The following TTC7A variants were observed in gnomAD, a reference collection of about 807,000 sequenced individuals.
TTC7A encodes the protein tetratricopeptide repeat protein 7A.
In TTC7A, 110 loss-of-function variants were observed where a neutral mutation model predicts 103.7. The observed-to-expected ratio is 1.06, with a 90% CI of 0.91 to 1.24. TTC7A has a LOEUF of 1.24. Ranked by LOEUF, TTC7A falls within the 50% of genes most tolerant of loss-of-function variation. The probability of loss-of-function intolerance (pLI) is 0.00; values close to 1 mark genes in which losing one functional copy is unlikely to be tolerated. For synonymous variants in TTC7A, 521 were observed against 467.9 expected (o/e 1.11, Z -1.47); for missense variants, 1,340 against 1,116.3 (o/e 1.20, Z -2.86).
At chr2:46,992,698 T>G (rs1675754550) in intron 5 of TTC7A, among the ~76,000 whole-genome samples, 2 of 152,202 alleles carry the variant, frequency 1.3e-5, no homozygotes, top group Admixed American at 1.3e-4. Context: ...GTTTTTCACA[T>G]TGTGGGCCAC....
At chr2:47,047,533 A>G (rs1022093224) in intron 16 of TTC7A, among the ~76,000 whole-genome samples, 1 of 152,192 alleles carries the variant, frequency 6.6e-6, no homozygotes, top group Non-Finnish European at 1.5e-5. Context: ...GGGTGAAGGG[A>G]CCTGCATTCC....
chr2:47,059,009 C>CTTTT lies in TTC7A; in HGVS notation c.2153-1733_2153-1730dup, dbSNP rs35753980. ...GTGGGGTCCTCACCTCCTAAGCCTGCTTTTTTTTTTTTTTTTTTTTTTTTT... is the reference window on the plus strand; with the variant it reads ...GTGGGGTCCTCACCTCCTAAGCCTGCTTTTTTTTTTTTTTTTTTTTTTTTTTTTT... On this transcript the variant is annotated intron_variant, in intron 18 of 19. Coordinates refer to ENST00000319190, the MANE Select transcript of TTC7A (RefSeq NM_020458.4). 2.8e-3 allele frequency among the ~76,000 whole-genome samples: 126 copies of CTTTT among 44,712 alleles called. 26 individuals are homozygous for CTTTT. The highest frequency in any genetic ancestry group is 0.013 in the African/African-American group (110 of 8,312). The allele number at this position is 44,712 out of a possible 152,430, so 29.3% of individuals were successfully genotyped here.
chr2:46,951,879 C>A, intron 2 of TTC7A: 1 of 345,380 alleles, frequency 2.9e-6, no homozygotes, highest in Non-Finnish European at 5.7e-6. Context: ...TAAGTCCTAT[C>A]AGCAAGTAAA....
intron 2 of TTC7A, among the ~76,000 whole-genome samples, chr2:46,925,918 A>G (rs1669359663): frequency 6.6e-6 from 1 of 152,224 alleles, no homozygotes. Context: ...ATACACTACA[A>G]CAGTGCCACC....
Position 47,060,759 on chromosome 2 carries a change from G to A in TTC7A, c.2153-10G>A. 1.3e-6 allele frequency: 2 copies of A among 1,588,452 alleles called. No individual in the cohort carries two copies. Among genetic ancestry groups the A allele is most frequent in the Non-Finnish European group, 1.7e-6 (2 of 1,161,416 alleles). ...CACTCACACCTCCCACTGCCCTTCT[G>A]CTTTTGCAGCTGAGCTGTTCATGGA... On this transcript the variant is annotated splice_polypyrimidine_tract_variant and intron_variant, in intron 18 of 19. Transcript: ENST00000319190.
At chr2:47,044,389 G>GT (rs1682085196) in intron 15 of TTC7A, among the ~76,000 whole-genome samples, 2 of 152,222 alleles carry the variant, frequency 1.3e-5, no homozygotes, top group African/African-American at 4.8e-5. Flanking sequence ...CTTATGGAGT[G>GT]TTGGATCCTT....
Position 47,050,032 on chromosome 2 carries a change from A to C in TTC7A, c.2003A>C (p.His668Pro). The C allele has an allele frequency of 6.2e-7, 1 of 1,613,916 alleles. No homozygotes were observed. Among genetic ancestry groups the C allele is most frequent in the South Asian group, 1.1e-5 (1 of 91,078 alleles). Residue 668 changes from histidine (H) to proline (P), a missense_variant, in exon 17 of 20, where the codon CAT (histidine) becomes CCT (proline). Physicochemically the swap from His to Pro is moderately conservative, Grantham distance 77. Coordinates refer to ENST00000319190, the MANE Select transcript of TTC7A (RefSeq NM_020458.4). ...SGMHLTLPDA[H>P]DADSGSRRAS... Reference sequence around the variant, plus strand: ...ATGCACCTGACTTTGCCTGATGCCCATGATGCAGACTCTGGTAAGAACGAG... The same window carrying C: ...ATGCACCTGACTTTGCCTGATGCCCCTGATGCAGACTCTGGTAAGAACGAG...
intron 15 of TTC7A, among the ~76,000 whole-genome samples, chr2:47,041,423 C>T (rs1681734743): frequency 6.6e-6 from 1 of 152,180 alleles, no homozygotes; most frequent in South Asian, 2.1e-4. Flanking sequence ...ATAGGCCGGG[C>T]TGGCTGCACA....
intron 2 of TTC7A, among the ~76,000 whole-genome samples, chr2:46,954,154 C>T (rs114726532): frequency 0.01 from 1,584 of 152,308 alleles, 34 homozygotes; most frequent in African/African-American, 0.036. Flanking sequence ...ATAGTTCCCA[C>T]GTTAGTCTGT....
chr2:46,985,207 T>G (rs1674889435), intron 5 of TTC7A, among the ~76,000 whole-genome samples: 1 of 152,120 alleles, frequency 6.6e-6, no homozygotes, highest in African/African-American at 2.4e-5. Context: ...TCTTCTTTCT[T>G]CCTGAGGCAC....
intron 15 of TTC7A, among the ~76,000 whole-genome samples, chr2:47,038,076 C>T (rs1572989260): frequency 6.6e-6 from 1 of 151,834 alleles, no homozygotes; most frequent in Non-Finnish European, 1.5e-5. Context: ...CATAGTGAAA[C>T]CCCATCTGTA....
At chr2:47,054,377 G>A (rs578238679) in intron 18 of TTC7A, among the ~76,000 whole-genome samples, 7 of 152,262 alleles carry the variant, frequency 4.6e-5, no homozygotes, top group African/African-American at 1.4e-4. Context: ...CAAGGCAAAC[G>A]ATTTACAAGG....
At chr2:46,969,651 T>C (rs557523401) in intron 3 of TTC7A, among the ~76,000 whole-genome samples, 2 of 152,028 alleles carry the variant, frequency 1.3e-5, no homozygotes, top group Admixed American at 1.3e-4. Flanking sequence ...GACCTCGTGA[T>C]CCGTCCGCCT....
chr2:47,047,465 A>G (rs1457557994), intron 16 of TTC7A: 1 of 623,418 alleles, frequency 1.6e-6, no homozygotes, highest in East Asian at 2.9e-5. Context: ...GGGACTTTTC[A>G]GAATGAGAAT....
chr2:47,043,531 G>C, intron 15 of TTC7A, among the ~76,000 whole-genome samples: 1 of 152,178 alleles, frequency 6.6e-6, no homozygotes, highest in East Asian at 1.9e-4. Context: ...TGGGGAGGAT[G>C]GCAGGAAGGG....
chr2:46,988,286 G>A, intron 5 of TTC7A, among the ~76,000 whole-genome samples: 1 of 152,200 alleles, frequency 6.6e-6, no homozygotes, highest in Non-Finnish European at 1.5e-5. Context: ...CCTATTCTGA[G>A]GCTGGGGGTG....
At chr2:47,072,185 G>GC (rs1684792692) in intron 19 of TTC7A, among the ~76,000 whole-genome samples, 1 of 152,184 alleles carries the variant, frequency 6.6e-6, no homozygotes, top group Non-Finnish European at 1.5e-5. Flanking sequence ...CCCTGAGTCA[G>GC]CACCGCTCCC....
At chr2:46,989,097 C>T (rs1004781601) in intron 5 of TTC7A, among the ~76,000 whole-genome samples, 5 of 152,342 alleles carry the variant, frequency 3.3e-5, no homozygotes, top group African/African-American at 1.2e-4. Context: ...CCTGCTGCCA[C>T]CTAGGGGACT....
rs1685034024 is a variant in TTC7A at position 47,074,210 on chromosome 2, C to T, written c.*287C>T. On this transcript the variant is annotated 3_prime_UTR_variant, in exon 20 of 20. Coordinates refer to ENST00000319190, the MANE Select transcript of TTC7A (RefSeq NM_020458.4). ...AAGAGCTGGGCAGCGGGGAGCCTCA[C>T]AGCTGTCCTTCACCCTCACCCATGC... 4.2e-6 allele frequency: 2 copies of T among 473,384 alleles called. No homozygotes were observed. The highest frequency in any genetic ancestry group is 2.3e-5 in the South Asian group (1 of 44,210). The allele number at this position is 473,384 out of a possible 1,614,324, so 29.3% of individuals were successfully genotyped here. A position where few individuals can be genotyped will look rare whatever the true frequency, so the allele number is the denominator to read the frequency against.
Sources: gnomAD v4.1 joint callset for allele counts (sites outside exome capture counted in the v4.1 genomes callset) on GRCh38, gnomAD v4.1.1 for gene constraint, MANE v1.5 for transcripts, NCBI Gene and HGNC (gene_info 2026-07-23, HGNC 2026-07-21) for gene names.